STARD3: variants seen among roughly 807,000 people sequenced by gnomAD.
STARD3 encodes StAR related lipid transfer domain containing 3.
In STARD3, 39 loss-of-function variants were observed where a neutral mutation model predicts 62.0. The observed-to-expected ratio is 0.63, with a 90% CI of 0.49 to 0.82. STARD3 has a LOEUF of 0.82. Ranked by LOEUF, STARD3 falls within the 40% of genes least tolerant of loss-of-function variation. The pLI, the probability that STARD3 is intolerant of heterozygous loss-of-function variation, is 0.00. For missense variants in STARD3, 543 were observed against 584.5 expected (o/e 0.93, Z 0.73); for synonymous variants, 229 against 242.4 (o/e 0.94, Z 0.51).
Position 39,660,619 on chromosome 17 carries a change from A to C in STARD3, c.954+93A>C. ...AAGCACTCAGCGCCTCAGCTGCCCC[A>C]TCTGTACAGTGGGTGTGATGGTAAC... On this transcript the variant is annotated intron_variant, in intron 11 of 14. Transcript: ENST00000336308. The surrounding 1 kb of genome is among the most constrained non-coding windows in gnomAD (Gnocchi z 4.8). The C allele has an allele frequency of 6.9e-7, 1 of 1,445,716 alleles. No homozygotes were observed. The highest frequency in any genetic ancestry group is 9.7e-7 in the Non-Finnish European group (1 of 1,033,370). The allele number at this position is 1,445,716 out of a possible 1,614,324, so 89.6% of individuals were successfully genotyped here. A position where few individuals can be genotyped will look rare whatever the true frequency, so the allele number is the denominator to read the frequency against.
At chr17:39,661,224 C>T (rs2145046249) in intron 13 of STARD3, 139 bp downstream of exon 13, 1 of 722,556 alleles carries the variant, frequency 1.4e-6, no homozygotes. Context: ...GGGCTCTGCT[C>T]CTCCTGGCTA....
chr17:39,660,109 C>A lies in STARD3; in HGVS notation c.796-102C>A, dbSNP rs2057178485. On this transcript the variant is annotated intron_variant, in intron 9 of 14. Coordinates refer to ENST00000336308, the MANE Select transcript of STARD3 (RefSeq NM_006804.4). This position sits in a 1 kb window ranked among gnomAD's most constrained non-coding sequence, Gnocchi z 4.8. ...TCCCCAAACTCCTGGAGTTTTCCAC[C>A]CTGAGCTGTTAAAAACCTGCCCTGC... 8.4e-7 allele frequency: 1 copy of A among 1,192,860 alleles called. No individual in the cohort carries two copies. Among genetic ancestry groups the A allele is most frequent in the African/African-American group, 1.5e-5 (1 of 66,738 alleles). 73.9% of individuals were successfully genotyped at this position (1,192,860 alleles called of 1,614,324 possible). A position where few individuals can be genotyped will look rare whatever the true frequency, so the allele number is the denominator to read the frequency against.
In STARD3 at chr17:39,653,692, G is replaced by C. The variant is rs983910413; in HGVS notation, c.161G>C (p.Cys54Ser). Residue 54 changes from cysteine (C) to serine (S), a missense_variant, in exon 2 of 15, where the codon TGT (cysteine) becomes TCT (serine). Coordinates refer to ENST00000336308, the MANE Select transcript of STARD3 (RefSeq NM_006804.4). Reference sequence around the variant, plus strand: ...ATCTCTGATGTCCGCCGCACCTTCTGTCTCTTCGTCACCTTCGACCTGCTC... The same window carrying C: ...ATCTCTGATGTCCGCCGCACCTTCTCTCTCTTCGTCACCTTCGACCTGCTC... ...RAISDVRRTF[C>S]LFVTFDLLFI... 1.4e-5 allele frequency: 23 copies of C among 1,614,094 alleles called. No individual in the cohort carries two copies. The highest frequency in any genetic ancestry group is 8.3e-5 in the Admixed American group (5 of 60,012).
At position 39,659,088 on chromosome 17, in the gene STARD3, G is replaced by GA; in HGVS notation, c.688dup (p.Ser230LysfsTer33). On this transcript the variant is annotated frameshift_variant, in exon 8 of 15. Coordinates refer to ENST00000336308, the MANE Select transcript of STARD3 (RefSeq NM_006804.4). LOFTEE classifies it high-confidence loss of function. Reference sequence around the variant, plus strand: ...AATCAGATGAAGAAGTTGCTGGGAAGAAAAGTTTCTCTGCTCAGGTATTTG... The same window carrying GA: ...AATCAGATGAAGAAGTTGCTGGGAAGAAAAAGTTTCTCTGCTCAGGTATTTG... 6.2e-7 allele frequency: 1 copy of GA among 1,614,212 alleles called. No homozygotes were observed. The highest frequency in any genetic ancestry group is 8.5e-7 in the Non-Finnish European group (1 of 1,180,030).
At chr17:39,642,225 C>T (rs537137023) in intron 1 of STARD3, among the ~76,000 whole-genome samples, 63 of 152,340 alleles carry the variant, frequency 4.1e-4, no homozygotes, top group African/African-American at 1.5e-3. Context: ...AGTCCTCCCT[C>T]CTCCTTAACC....
intron 1 of STARD3, among the ~76,000 whole-genome samples, chr17:39,646,887 C>T (rs538271165): frequency 5.3e-5 from 8 of 152,294 alleles, no homozygotes; most frequent in African/African-American, 1.7e-4. Context: ...ACCCGCTTCC[C>T]CCTCTAACCC....
chr17:39,645,776 CT>C (rs1339857875), intron 1 of STARD3, among the ~76,000 whole-genome samples: 3 of 150,574 alleles, frequency 2.0e-5, no homozygotes, highest in Admixed American at 6.6e-5. Flanking sequence ...CCCGAAAAGT[CT>C]TGCCAGCTAC....
chr17:39,641,174 C>A (rs1301601949), intron 1 of STARD3, among the ~76,000 whole-genome samples: 1 of 152,224 alleles, frequency 6.6e-6, no homozygotes, highest in African/African-American at 2.4e-5. Context: ...CAAACCCACA[C>A]CCTTTCTCCT....
rs562900538 is a variant in STARD3 at position 39,662,874 on chromosome 17, G to A, written c.1304G>A (p.Arg435Gln). 90 of 1,612,584 alleles carry A rather than the reference G, an allele frequency of 5.6e-5. No homozygotes were observed. Among genetic ancestry groups the A allele is most frequent in the Middle Eastern group, 5.0e-4 (3 of 6,050 alleles). Residue 435 changes from arginine to glutamine, a missense_variant, in exon 15 of 15, where the codon CGA (arginine) becomes CAA (glutamine). Transcript: ENST00000336308. ...ATMFEFAFHL[R>Q]QRISELGARA is the part of the protein sequence containing the mutation. ...ATGTTTGAATTTGCCTTTCACCTGC[G>A]ACAGCGCATCAGCGAGCTGGGGGCC... is the stretch of plus-strand genomic sequence containing the variant.
At chr17:39,644,357 A>T (rs895578574) in intron 1 of STARD3, among the ~76,000 whole-genome samples, 16 of 152,156 alleles carry the variant, frequency 1.1e-4, no homozygotes, top group African/African-American at 3.6e-4. Flanking sequence ...TGGTGGTGGT[A>T]GTTAATGTCT....
rs796564832 is a variant in STARD3, at chr17:39,658,949, CT to C, written c.647-98del. On this transcript the variant is annotated intron_variant, in intron 7 of 14. Transcript: ENST00000336308. Reference sequence around the variant, plus strand: ...AAAGCCAGCAACCCTCTCCCACACACTTTTATCCCCCACATCCTTGCACTCA... The same window carrying C: ...AAAGCCAGCAACCCTCTCCCACACACTTTATCCCCCACATCCTTGCACTCA... 209 of 1,565,122 alleles carry C rather than the reference CT, an allele frequency of 1.3e-4. 1 individual carries two copies. In the South Asian group the frequency reaches 2.3e-3, roughly 17 times the overall value.
rs573574163 is a variant in STARD3 at position 39,653,468 on chromosome 17, G to A, written c.-51-13G>A. 6.4e-7 allele frequency: 1 copy of A among 1,552,312 alleles called. No homozygotes were observed. Among genetic ancestry groups the A allele is most frequent in the Admixed American group, 1.7e-5 (1 of 57,174 alleles). ...AGGAGTTTGACAGGACTCTGCCTCT[G>A]CCTCGCCCCCAGCCCTGCTGCTGAG... is the stretch of plus-strand genomic sequence containing the variant. On this transcript the variant is annotated splice_polypyrimidine_tract_variant and intron_variant, in intron 1 of 14. Coordinates refer to ENST00000336308, the MANE Select transcript of STARD3 (RefSeq NM_006804.4).
At chr17:39,645,157 C>G (rs573203561) in intron 1 of STARD3, among the ~76,000 whole-genome samples, 1 of 152,122 alleles carries the variant, frequency 6.6e-6, no homozygotes, top group Non-Finnish European at 1.5e-5. Flanking sequence ...GCAGAGGGGC[C>G]GGTCTCAAGA....
intron 9 of STARD3, 95 bp downstream of exon 9, chr17:39,659,648 GT>G: frequency 2.3e-6 from 3 of 1,303,546 alleles, no homozygotes; most frequent in Non-Finnish European, 3.2e-6. Context: ...GATTACATGG[GT>G]TGGAGCCATA....
chr17:39,653,381 G>A (rs2057095277), intron 1 of STARD3, 100 bp from the exon 2 acceptor site: 3 of 796,662 alleles, frequency 3.8e-6, no homozygotes, highest in Non-Finnish European at 5.9e-6. Context: ...TTGGGACCCA[G>A]TGTAGAGACA....
chr17:39,660,963 T>C lies in STARD3; in HGVS notation c.1035-18T>C. On this transcript the variant is annotated intron_variant, in intron 12 of 14. Coordinates refer to ENST00000336308, the MANE Select transcript of STARD3 (RefSeq NM_006804.4). The surrounding 1 kb of genome is among the most constrained non-coding windows in gnomAD (Gnocchi z 4.8). ...GGCCTTGGGTCATTGTCCCCTGAAC[T>C]AACCCTCCCTCCCGCAGGGACTTCG... is the stretch of plus-strand genomic sequence containing the variant. 6.2e-7 allele frequency: 1 copy of C among 1,613,364 alleles called. No homozygotes were observed. Among genetic ancestry groups the C allele is most frequent in the Non-Finnish European group, 8.5e-7 (1 of 1,179,702 alleles).
At chr17:39,646,998 G>A (rs898047184) in intron 1 of STARD3, among the ~76,000 whole-genome samples, 22 of 152,066 alleles carry the variant, frequency 1.4e-4, no homozygotes, top group Admixed American at 2.6e-4. Context: ...TCAAGAGATC[G>A]AGACCATCCT....
At chr17:39,655,634 C>T (rs1010474754) in intron 2 of STARD3, among the ~76,000 whole-genome samples, 1 of 152,184 alleles carries the variant, frequency 6.6e-6, no homozygotes, top group African/African-American at 2.4e-5. Context: ...CTGCACTGAA[C>T]AATTAGTAGA....
Position 39,657,146 on chromosome 17 carries a change from TCTG to T in STARD3, c.297+65_297+67del, listed in dbSNP as rs1350600939. 48 of 1,508,172 alleles carry T rather than the reference TCTG, an allele frequency of 3.2e-5. 1 individual carries two copies. The South Asian group carries it at 4.8e-4, about 15-fold the overall frequency. The allele number at this position is 1,508,172 out of a possible 1,614,324, so 93.4% of individuals were successfully genotyped here. On this transcript the variant is annotated intron_variant, in intron 3 of 14. Coordinates refer to ENST00000336308, the MANE Select transcript of STARD3 (RefSeq NM_006804.4). Reference sequence around the variant, plus strand: ...GCAGAGAGGGAGCAGGGAAATGACTTCTGCTGGGTTCTCTTTTGGCAGCATATA... The same window carrying T: ...GCAGAGAGGGAGCAGGGAAATGACTTCTGGGTTCTCTTTTGGCAGCATATA...
Sources: allele counts gnomAD v4.1 joint callset (sites outside exome capture counted in the v4.1 genomes callset), GRCh38; gene constraint gnomAD v4.1.1; non-coding constraint Gnocchi (gnomAD v3.1); transcripts MANE v1.5; gene names NCBI Gene and HGNC (gene_info 2026-07-23, HGNC 2026-07-21).